The following WASF2 variants were observed in gnomAD, a reference collection of about 807,000 sequenced individuals.
WASF2 encodes the protein WASP family member 2.
WASF2 carries 14 observed loss-of-function variants against 45.0 expected under a neutral mutation model. The observed-to-expected ratio is 0.31, with a 90% CI of 0.21 to 0.49. The LOEUF (loss-of-function observed/expected upper bound fraction) is 0.49. WASF2 is among the 20% of genes least tolerant of loss of function. The pLI is 0.99. For synonymous variants in WASF2, 200 were observed against 236.3 expected (o/e 0.85, Z 1.41); for missense variants, 439 against 636.1 (o/e 0.69, Z 3.33).
At position 27,430,631 on chromosome 1, in the gene WASF2, A is replaced by AC. The variant is rs890577190; in HGVS notation, c.-43-1699dup. ...AGTGCTGGGACTATAAGCATGAGCC[A>AC]CCACGCCCAGCCTTTTTGTTTTTTT... On this transcript the variant is annotated intron_variant, in intron 1 of 8. Transcript: ENST00000618852. Among the ~76,000 whole-genome samples the AC allele has an allele frequency of 2.3e-3, 356 of 152,092 alleles. 3 individuals are homozygous for AC. Among genetic ancestry groups the AC allele is most frequent in the African/African-American group, 8.1e-3 (335 of 41,488 alleles).
At chr1:27,470,154 G>A (rs1461655170) in intron 1 of WASF2, among the ~76,000 whole-genome samples, 1 of 152,218 alleles carries the variant, frequency 6.6e-6, no homozygotes, top group Non-Finnish European at 1.5e-5. Flanking sequence ...TTTGGGAAAT[G>A]AAGATGAGCG....
rs1468869380 is a variant in WASF2, at chr1:27,419,033, G to C, written c.186C>G (p.Ala62=). 1.2e-6 allele frequency: 2 copies of C among 1,613,986 alleles called. No individual in the cohort carries two copies. The highest frequency in any genetic ancestry group is 2.7e-5 in the African/African-American group (2 of 74,866). ...TCTCAGCAAGGGAGCTTACCCGAGA[G>C]GCAAAGGTATTTGCCTGAGTAAAGA... ...GELFTQANTF[A]SRVSSLAERV... is the part of the protein sequence containing the mutation. The change falls in exon 3 of 9, where the codon GCC becomes GCG. Residue 62 remains alanine (A), a synonymous_variant. Coordinates refer to ENST00000618852, the MANE Select transcript of WASF2 (RefSeq NM_006990.5).
At chr1:27,442,868 G>A (rs530762562) in intron 1 of WASF2, among the ~76,000 whole-genome samples, 4 of 151,704 alleles carry the variant, frequency 2.6e-5, no homozygotes, top group East Asian at 3.9e-4. Context: ...AAGTGTGGTG[G>A]CACATGCCTG....
At chr1:27,489,574 G>T (rs1318676739) in intron 1 of WASF2, among the ~76,000 whole-genome samples, 1 of 152,110 alleles carries the variant, frequency 6.6e-6, no homozygotes. Flanking sequence ...GCCTGGGGAA[G>T]AACTTGTCCA....
At chr1:27,488,750 G>C (rs939771319) in intron 1 of WASF2, among the ~76,000 whole-genome samples, 2 of 152,156 alleles carry the variant, frequency 1.3e-5, no homozygotes, top group Non-Finnish European at 2.9e-5. Flanking sequence ...GCCCCCATTT[G>C]TAACAAGGCA....
chr1:27,456,162 A>C (rs1210139026), intron 1 of WASF2, among the ~76,000 whole-genome samples: 1 of 151,950 alleles, frequency 6.6e-6, no homozygotes, highest in Admixed American at 6.6e-5. Context: ...CGCTACTAAA[A>C]ATACAAAAAA....
chr1:27,475,648 G>GA (rs1170526279), intron 1 of WASF2, among the ~76,000 whole-genome samples: 1 of 152,028 alleles, frequency 6.6e-6, no homozygotes, highest in Non-Finnish European at 1.5e-5. Context: ...TTTTGTTTGA[G>GA]AGAGTGTCTG....
chr1:27,441,846 A>C (rs564861684), intron 1 of WASF2, among the ~76,000 whole-genome samples: 26 of 151,244 alleles, frequency 1.7e-4, no homozygotes, highest in Admixed American at 8.6e-4. Context: ...GAATCACTTG[A>C]ATCTGGGAGG....
At position 27,458,852 on chromosome 1, in the gene WASF2, G is replaced by A. The variant is rs546422440; in HGVS notation, c.-43-29919C>T. Among the ~76,000 whole-genome samples the A allele has an allele frequency of 3.3e-5, 5 of 151,920 alleles. No individual in the cohort carries two copies. In the East Asian group the frequency reaches 7.7e-4, roughly 23 times the overall value. On this transcript the variant is annotated intron_variant, in intron 1 of 8. Transcript: ENST00000618852. ...AAATTGTAAAAATTGGCAGCCGAGCGCAGAGGCTCATGCCTGTAATCCTAG... is the reference window on the plus strand; with the variant it reads ...AAATTGTAAAAATTGGCAGCCGAGCACAGAGGCTCATGCCTGTAATCCTAG...
intron 1 of WASF2, among the ~76,000 whole-genome samples, chr1:27,436,153 T>A (rs116802158): frequency 1.3e-5 from 2 of 152,254 alleles, no homozygotes; most frequent in Non-Finnish European, 2.9e-5. Flanking sequence ...TTTCTTTATG[T>A]TAAAGAACAT....
chr1:27,416,709 G>C (rs192802949), intron 4 of WASF2, among the ~76,000 whole-genome samples: 1 of 152,288 alleles, frequency 6.6e-6, no homozygotes, highest in African/African-American at 2.4e-5. Flanking sequence ...ACCACAAGAG[G>C]GCTCCAGTGA....
rs181371732 is a variant in WASF2 at position 27,456,355 on chromosome 1, C to A, written c.-43-27422G>T. ...AAAAAAAAACAACAATGGAAAGGTTCTTTCTGACTCTTGCAGACTATGAAG... is the reference window on the plus strand; with the variant it reads ...AAAAAAAAACAACAATGGAAAGGTTATTTCTGACTCTTGCAGACTATGAAG... On this transcript the variant is annotated intron_variant, in intron 1 of 8. Coordinates refer to ENST00000618852, the MANE Select transcript of WASF2 (RefSeq NM_006990.5). Among the ~76,000 whole-genome samples, 1,237 of 144,898 alleles carry A rather than the reference C, an allele frequency of 8.5e-3. 7 individuals are homozygous for A. The highest frequency in any genetic ancestry group is 0.014 in the Middle Eastern group (4 of 276).
At chr1:27,484,212 T>TCAA (rs2017892577) in intron 1 of WASF2, among the ~76,000 whole-genome samples, 1 of 152,050 alleles carries the variant, frequency 6.6e-6, no homozygotes, top group Non-Finnish European at 1.5e-5. Flanking sequence ...AAATAATTCT[T>TCAA]CATCCTCCAA....
chr1:27,411,553 A>T (rs1369834128), intron 7 of WASF2, among the ~76,000 whole-genome samples: 1 of 152,192 alleles, frequency 6.6e-6, no homozygotes, highest in African/African-American at 2.4e-5. Context: ...GTACCACTTC[A>T]TTTCATGATG....
At chr1:27,432,807 A>T (rs566806094) in intron 1 of WASF2, among the ~76,000 whole-genome samples, 8 of 152,156 alleles carry the variant, frequency 5.3e-5, no homozygotes, top group African/African-American at 9.7e-5. Flanking sequence ...TCTGTTGCCC[A>T]GGTTGGAGTG....
chr1:27,424,074 G>T (rs1330917276), intron 2 of WASF2, among the ~76,000 whole-genome samples: 1 of 152,206 alleles, frequency 6.6e-6, no homozygotes, highest in Non-Finnish European at 1.5e-5. Context: ...GAAAAAATAA[G>T]AATTCTGGAT....
intron 1 of WASF2, among the ~76,000 whole-genome samples, chr1:27,477,471 T>C (rs2017781031): frequency 6.6e-6 from 1 of 152,128 alleles, no homozygotes; most frequent in African/African-American, 2.4e-5. Flanking sequence ...ACCAGGCAGG[T>C]GGAAGTTGCA....
intron 1 of WASF2, among the ~76,000 whole-genome samples, chr1:27,439,874 C>G (rs557398206): frequency 2.6e-5 from 4 of 152,152 alleles, no homozygotes; most frequent in African/African-American, 9.6e-5. Context: ...GTGGTACACA[C>G]CTGTAGTCCC....
At chr1:27,449,526 G>A (rs2017354345) in intron 1 of WASF2, among the ~76,000 whole-genome samples, 1 of 151,944 alleles carries the variant, frequency 6.6e-6, no homozygotes, top group Non-Finnish European at 1.5e-5. Context: ...CTGAACCCAG[G>A]AGGCGGAGGT....
Sources: gnomAD v4.1 joint callset for allele counts (sites outside exome capture counted in the v4.1 genomes callset) on GRCh38, gnomAD v4.1.1 for gene constraint, MANE v1.5 for transcripts, NCBI Gene and HGNC (gene_info 2026-07-23, HGNC 2026-07-21) for gene names.